Variants in RBMS3 observed in about 807,000 individuals in gnomAD.
The protein encoded by RBMS3 is RNA-binding motif, single-stranded-interacting protein 3.
In RBMS3, 27 loss-of-function variants were observed where a neutral mutation model predicts 66.8. The observed-to-expected ratio is 0.40, with a 90% CI of 0.30 to 0.56. The LOEUF (loss-of-function observed/expected upper bound fraction) is 0.56. RBMS3 is among the 20% of genes least tolerant of loss of function. RBMS3 has a pLI of 0.40. For synonymous variants in RBMS3, 188 were observed against 183.0 expected, an observed-to-expected ratio of 1.03 and a Z score of -0.22; for missense variants, 513 against 549.5, an observed-to-expected ratio of 0.93 and a Z score of 0.66.
intron 14 of RBMS3, among the ~76,000 whole-genome samples, chr3:29,994,211 A>G (rs11129374): frequency 0.29 from 43,958 of 151,824 alleles, 6,970 homozygotes; most frequent in African/African-American, 0.41. Flanking sequence ...CAAATACTGC[A>G]CTTTTCCCAC....
chr3:29,340,397 T>A (rs1382192514), intron 1 of RBMS3, among the ~76,000 whole-genome samples: 1 of 152,174 alleles, frequency 6.6e-6, no homozygotes, highest in East Asian at 1.9e-4. Flanking sequence ...TGTTATCTTA[T>A]GACAGAATGC....
At chr3:29,924,525 G>A (rs902176271) in intron 10 of RBMS3, among the ~76,000 whole-genome samples, 18 of 152,024 alleles carry the variant, frequency 1.2e-4, no homozygotes, top group African/African-American at 4.1e-4. Flanking sequence ...AACTGGACTG[G>A]TCAAAATAAG....
intron 4 of RBMS3, among the ~76,000 whole-genome samples, chr3:29,712,978 A>G (rs921911301): frequency 1.3e-5 from 2 of 152,148 alleles, no homozygotes; most frequent in Admixed American, 6.5e-5. Flanking sequence ...TCAGAGATAG[A>G]AAGAGAGAGA....
intron 6 of RBMS3, among the ~76,000 whole-genome samples, chr3:29,811,687 C>A (rs141875964): frequency 2.4e-4 from 37 of 152,248 alleles, no homozygotes; most frequent in Middle Eastern, 6.8e-3. Context: ...TAATCAAATG[C>A]CCACACTAAG....
intron 12 of RBMS3, among the ~76,000 whole-genome samples, chr3:29,958,786 A>G (rs1009907985): frequency 2.0e-5 from 3 of 152,206 alleles, no homozygotes; most frequent in African/African-American, 7.2e-5. Flanking sequence ...CCAAGAGTGA[A>G]ATGCTGTTAG....
At chr3:29,828,681 CTT>C (rs199646194) in intron 6 of RBMS3, among the ~76,000 whole-genome samples, 3,365 of 152,254 alleles carry the variant, frequency 0.022, 61 homozygotes, top group Non-Finnish European at 0.036. Context: ...ATTAAACAAT[CTT>C]TGGCAGATCA....
At chr3:29,990,123 G>A (rs1455409304) in intron 13 of RBMS3, among the ~76,000 whole-genome samples, 1 of 152,048 alleles carries the variant, frequency 6.6e-6, no homozygotes, top group African/African-American at 2.4e-5. Flanking sequence ...AACACTCATT[G>A]AACATTTATC....
At chr3:29,528,227 C>G (rs141745937) in intron 3 of RBMS3, among the ~76,000 whole-genome samples, 2 of 151,518 alleles carry the variant, frequency 1.3e-5, no homozygotes, top group Non-Finnish European at 2.9e-5. Flanking sequence ...ATTCTCCTTC[C>G]TCAGCCTCTC....
At chr3:29,599,960 A>T (rs751842342) in intron 4 of RBMS3, among the ~76,000 whole-genome samples, 3 of 152,172 alleles carry the variant, frequency 2.0e-5, no homozygotes, top group African/African-American at 7.2e-5. Context: ...CAAGTCACAT[A>T]TGAAAATCCA....
chr3:29,567,498 T>C (rs2046785510), intron 3 of RBMS3, among the ~76,000 whole-genome samples: 1 of 152,206 alleles, frequency 6.6e-6, no homozygotes, highest in African/African-American at 2.4e-5. Flanking sequence ...ATTATCCTTC[T>C]TAATAGTCCA....
intron 3 of RBMS3, among the ~76,000 whole-genome samples, chr3:29,581,017 G>T (rs1364652569): frequency 6.6e-6 from 1 of 152,130 alleles, no homozygotes; most frequent in Non-Finnish European, 1.5e-5. Flanking sequence ...TGAAAGCATA[G>T]GTGATTCAGA....
intron 4 of RBMS3, among the ~76,000 whole-genome samples, chr3:29,602,288 C>A (rs372972570): frequency 6.6e-5 from 10 of 152,140 alleles, no homozygotes; most frequent in African/African-American, 2.4e-4. Context: ...AGGAAATGGT[C>A]CATGGACCCA....
At chr3:29,520,686 A>G (rs1363541448) in intron 3 of RBMS3, among the ~76,000 whole-genome samples, 1 of 152,178 alleles carries the variant, frequency 6.6e-6, no homozygotes, top group Non-Finnish European at 1.5e-5. Context: ...ACAAATTAAT[A>G]TGAAGGATGT....
At chr3:29,918,692 A>G (rs1325066942) in intron 10 of RBMS3, among the ~76,000 whole-genome samples, 1 of 152,184 alleles carries the variant, frequency 6.6e-6, no homozygotes, top group African/African-American at 2.4e-5. Flanking sequence ...GATAACTATG[A>G]GAAAATTCTA....
chr3:29,674,854 A>G (rs184620674), intron 4 of RBMS3, among the ~76,000 whole-genome samples: 1 of 152,114 alleles, frequency 6.6e-6, no homozygotes, highest in African/African-American at 2.4e-5. Context: ...ATTAAATGCC[A>G]TCCCCATCAA....
intron 1 of RBMS3, among the ~76,000 whole-genome samples, chr3:29,420,753 G>T (rs1268836077): frequency 6.6e-6 from 1 of 151,928 alleles, no homozygotes; most frequent in Admixed American, 6.6e-5. Flanking sequence ...TTCTTTAAGG[G>T]AAGCAAATAA....
intron 6 of RBMS3, among the ~76,000 whole-genome samples, chr3:29,799,224 A>G (rs1003476961): frequency 4.6e-5 from 7 of 152,208 alleles, no homozygotes; most frequent in African/African-American, 1.7e-4. Flanking sequence ...CAATTCAAAT[A>G]TTACACAATC....
chr3:29,610,196 C>A (rs2048447165), intron 4 of RBMS3, among the ~76,000 whole-genome samples: 1 of 151,566 alleles, frequency 6.6e-6, no homozygotes, highest in East Asian at 1.9e-4. Context: ...AAATGTGGAC[C>A]CTGTCGTGAA....
chr3:29,582,831 T>C (rs1297147810), intron 3 of RBMS3, among the ~76,000 whole-genome samples: 2 of 152,202 alleles, frequency 1.3e-5, no homozygotes, highest in Non-Finnish European at 2.9e-5. Flanking sequence ...ATGTAGTATC[T>C]GCTGTCATGT....
Sources: allele counts gnomAD v4.1 joint callset (sites outside exome capture counted in the v4.1 genomes callset), GRCh38; gene constraint gnomAD v4.1.1; transcripts MANE v1.5; gene names NCBI Gene and HGNC (gene_info 2026-07-23, HGNC 2026-07-21).